The following SBF2 variants were observed in gnomAD, a reference collection of about 807,000 sequenced individuals.
The protein encoded by SBF2 is myotubularin-related protein 13.
In SBF2, 112 loss-of-function variants were observed where a neutral mutation model predicts 225.2. The observed-to-expected ratio is 0.50, with a 90% CI of 0.43 to 0.58. SBF2 has a LOEUF of 0.58. Among genes scored for constraint, SBF2 ranks in the 20% least tolerant of loss-of-function variants. SBF2 has a pLI of 0.00. For synonymous variants in SBF2, 763 were observed against 773.3 expected (o/e 0.99, Z 0.22); for missense variants, 1,996 against 2,206.2 (o/e 0.90, Z 1.91).
chr11:10,178,849 T>C (rs1195399060), intron 2 of SBF2, among the ~76,000 whole-genome samples: 1 of 149,584 alleles, frequency 6.7e-6, no homozygotes, highest in Admixed American at 6.7e-5. Context: ...ACTGGGTATA[T>C]ACCCAAAGGA....
At chr11:9,831,727 A>T (rs1345630275) in intron 27 of SBF2, among the ~76,000 whole-genome samples, 3 of 152,216 alleles carry the variant, frequency 2.0e-5, no homozygotes, top group Non-Finnish European at 4.4e-5. Flanking sequence ...GCTTCCTAAA[A>T]ACCTCTTTGC....
chr11:10,245,168 C>T (rs1375372165), intron 1 of SBF2, among the ~76,000 whole-genome samples: 1 of 147,078 alleles, frequency 6.8e-6, no homozygotes, highest in Non-Finnish European at 1.5e-5. Context: ...AATGGGCAAA[C>T]TAATTAGATA....
intron 2 of SBF2, among the ~76,000 whole-genome samples, chr11:10,160,746 C>T (rs1338952911): frequency 6.6e-6 from 1 of 152,146 alleles, no homozygotes; most frequent in African/African-American, 2.4e-5. Flanking sequence ...ACACCTCCTG[C>T]CACACCCCAT....
intron 32 of SBF2, among the ~76,000 whole-genome samples, chr11:9,805,813 G>GCA (rs1564870367): frequency 1.2e-4 from 18 of 152,152 alleles, no homozygotes; most frequent in Admixed American, 4.6e-4. Context: ...TAGTAGAGAT[G>GCA]GGGTTTCACC....
At chr11:9,878,079 G>T (rs879632239) in intron 17 of SBF2, among the ~76,000 whole-genome samples, 6 of 152,036 alleles carry the variant, frequency 3.9e-5, no homozygotes, top group Non-Finnish European at 7.4e-5. Context: ...ACTTTTTAAT[G>T]ACCGCCATTC....
chr11:9,956,699 T>A (rs7107302), intron 16 of SBF2: 16,932 of 152,052 alleles, frequency 0.11, 1,091 homozygotes, highest in East Asian at 0.31. Context: ...GAAGTCATCA[T>A]GGCAAGAGAA....
At chr11:10,174,487 C>A (rs1316809741) in intron 2 of SBF2, among the ~76,000 whole-genome samples, 1 of 152,106 alleles carries the variant, frequency 6.6e-6, no homozygotes, top group Non-Finnish European at 1.5e-5. Flanking sequence ...AATGAGCAAA[C>A]CCTCCAAGAA....
intron 2 of SBF2, among the ~76,000 whole-genome samples, chr11:10,047,594 CAT>C (rs1211891481): frequency 1.3e-5 from 2 of 152,136 alleles, no homozygotes; most frequent in Non-Finnish European, 2.9e-5. Context: ...TTTCTATCCC[CAT>C]CTCTTTGACA....
intron 2 of SBF2, among the ~76,000 whole-genome samples, chr11:10,060,641 T>C (rs1201933162): frequency 1.3e-5 from 2 of 152,080 alleles, no homozygotes; most frequent in African/African-American, 2.4e-5. Flanking sequence ...AACAAAATAC[T>C]TGCAAACTGA....
Position 10,093,717 on chromosome 11 carries a change from A to G in SBF2, c.142-50736T>C, listed in dbSNP as rs373127879. On this transcript the variant is annotated intron_variant, in intron 2 of 39. Transcript: ENST00000256190. ...TTTCAAAAATAATAACTTTTAAAGTACATTCTCTTTTGCTAAATACAGAAA... is the reference window on the plus strand; with the variant it reads ...TTTCAAAAATAATAACTTTTAAAGTGCATTCTCTTTTGCTAAATACAGAAA... 1.2e-4 allele frequency among the ~76,000 whole-genome samples: 18 copies of G among 152,364 alleles called. No individual in the cohort carries two copies. The South Asian group carries it at 3.5e-3, about 30-fold the overall frequency.
At chr11:9,977,252 G>A (rs183970328) in intron 13 of SBF2, among the ~76,000 whole-genome samples, 1 of 152,218 alleles carries the variant, frequency 6.6e-6, no homozygotes, top group African/African-American at 2.4e-5. Flanking sequence ...AGGAGGCTGA[G>A]GTAGGAGGAC....
chr11:10,195,016 G>A (rs1957307904), intron 1 of SBF2, among the ~76,000 whole-genome samples: 1 of 152,160 alleles, frequency 6.6e-6, no homozygotes, highest in South Asian at 2.1e-4. Flanking sequence ...CTAGCACTAA[G>A]TTTCAGTTAT....
intron 2 of SBF2, among the ~76,000 whole-genome samples, chr11:10,135,510 T>C (rs1954303650): frequency 2.0e-5 from 3 of 152,190 alleles, no homozygotes; most frequent in South Asian, 4.1e-4. Context: ...CGTTATAAAA[T>C]TAAATGCCTT....
intron 16 of SBF2, among the ~76,000 whole-genome samples, chr11:9,914,858 G>A (rs1043097597): frequency 7.2e-6 from 1 of 138,952 alleles, no homozygotes; most frequent in South Asian, 2.4e-4. Flanking sequence ...TGTTAATGTA[G>A]GTTCACCAAC....
chr11:10,271,062 C>T (rs1345566787), intron 1 of SBF2, among the ~76,000 whole-genome samples: 1 of 144,508 alleles, frequency 6.9e-6, no homozygotes, highest in South Asian at 2.2e-4. Flanking sequence ...TATGGATGCA[C>T]ACAAAAATCT....
At chr11:10,073,619 A>G (rs1950979844) in intron 2 of SBF2, among the ~76,000 whole-genome samples, 1 of 152,182 alleles carries the variant, frequency 6.6e-6, no homozygotes, top group Non-Finnish European at 1.5e-5. Flanking sequence ...CAGGAGGCTG[A>G]GGCATGAGAA....
intron 16 of SBF2, among the ~76,000 whole-genome samples, chr11:9,956,026 A>C (rs1452871292): frequency 2.0e-5 from 3 of 151,856 alleles, no homozygotes; most frequent in Non-Finnish European, 4.4e-5. Context: ...AACTCATGAC[A>C]GTGCTGAATT....
chr11:10,207,724 T>C (rs1417797074), intron 1 of SBF2, among the ~76,000 whole-genome samples: 1 of 152,022 alleles, frequency 6.6e-6, no homozygotes, highest in African/African-American at 2.4e-5. Flanking sequence ...AATACTTCCT[T>C]TTCTATGGGA....
intron 2 of SBF2, among the ~76,000 whole-genome samples, chr11:10,160,797 C>T (rs752540009): frequency 6.6e-6 from 1 of 152,176 alleles, no homozygotes; most frequent in Non-Finnish European, 1.5e-5. Context: ...GCACAAGCAG[C>T]TATCTCTTCC....
Sources: allele counts gnomAD v4.1 joint callset (sites outside exome capture counted in the v4.1 genomes callset), GRCh38; gene constraint gnomAD v4.1.1; transcripts MANE v1.5; gene names NCBI Gene and HGNC (gene_info 2026-07-23, HGNC 2026-07-21).